The following WDR72 variants were observed in gnomAD, a reference collection of about 807,000 sequenced individuals.
The protein encoded by WDR72 is WD repeat-containing protein 72.
WDR72 carries 120 observed loss-of-function variants against 124.2 expected under a neutral mutation model. The ratio of observed to expected loss-of-function variants is 0.97; its 90% CI spans 0.83 to 1.12. The LOEUF is 1.12. Ranked by LOEUF, WDR72 falls within the 50% of genes most tolerant of loss-of-function variation. WDR72 has a pLI of 0.00. For missense variants in WDR72, 1,387 were observed against 1,278.8 expected (o/e 1.08, Z -1.29); for synonymous variants, 452 against 441.7 (o/e 1.02, Z -0.29).
intron 13 of WDR72, among the ~76,000 whole-genome samples, chr15:53,674,944 G>GA (rs377212209): frequency 1.3e-5 from 2 of 149,590 alleles, no homozygotes; most frequent in Non-Finnish European, 1.5e-5. Context: ...ACAATTGAAA[G>GA]AAAAAAAAAG....
At chr15:53,532,653 G>A (rs1267429717) in intron 18 of WDR72, among the ~76,000 whole-genome samples, 2 of 151,990 alleles carry the variant, frequency 1.3e-5, no homozygotes, top group Non-Finnish European at 2.9e-5. Flanking sequence ...GTGGGAAGCG[G>A]GGGATAAGAA....
intron 14 of WDR72, among the ~76,000 whole-genome samples, chr15:53,647,842 G>T (rs1013527274): frequency 6.6e-6 from 1 of 152,076 alleles, no homozygotes; most frequent in African/African-American, 2.4e-5. Context: ...GGACAGACAG[G>T]TGGAAACAAG....
At chr15:53,554,727 G>A (rs1396657344) in intron 18 of WDR72, among the ~76,000 whole-genome samples, 2 of 152,112 alleles carry the variant, frequency 1.3e-5, no homozygotes, top group African/African-American at 4.8e-5. Context: ...TACAGGGAGT[G>A]AGGAAAAATG....
intron 17 of WDR72, among the ~76,000 whole-genome samples, chr15:53,603,509 A>G (rs2013137112): frequency 1.3e-5 from 2 of 152,146 alleles, no homozygotes; most frequent in South Asian, 2.1e-4. Flanking sequence ...AGGGAAATCA[A>G]TAAAGGTCAT....
intron 18 of WDR72, among the ~76,000 whole-genome samples, chr15:53,548,571 G>A (rs139283884): frequency 6.6e-6 from 1 of 151,728 alleles, no homozygotes; most frequent in Non-Finnish European, 1.5e-5. Flanking sequence ...ATTGGGGTGA[G>A]GTTAAAAAGT....
At chr15:53,754,343 A>G (rs1175706072) in intron 1 of WDR72, among the ~76,000 whole-genome samples, 1 of 152,166 alleles carries the variant, frequency 6.6e-6, no homozygotes, top group Non-Finnish European at 1.5e-5. Flanking sequence ...ACTGCAATGC[A>G]GTTTATGACA....
chr15:53,529,164 A>ATATT (rs59003623), intron 18 of WDR72, among the ~76,000 whole-genome samples: 25 of 78,166 alleles, frequency 3.2e-4, no homozygotes, highest in African/African-American at 1.2e-3. Context: ...ATATATATAT[A>ATATT]TTTTTTTTTT....
At chr15:53,690,901 C>G (rs1004112526) in intron 13 of WDR72, among the ~76,000 whole-genome samples, 5 of 152,092 alleles carry the variant, frequency 3.3e-5, no homozygotes, top group African/African-American at 1.2e-4. Context: ...AGTGGTGGTA[C>G]CATTTTATAT....
At chr15:53,679,946 A>AC (rs1039540210) in intron 13 of WDR72, among the ~76,000 whole-genome samples, 6 of 148,570 alleles carry the variant, frequency 4.0e-5, no homozygotes, top group African/African-American at 1.5e-4. Flanking sequence ...ATCTGCAGCA[A>AC]AAAAAAAAAG....
chr15:53,740,512 G>C (rs1463339158), intron 1 of WDR72, among the ~76,000 whole-genome samples: 1 of 151,976 alleles, frequency 6.6e-6, no homozygotes, highest in Non-Finnish European at 1.5e-5. Context: ...GTTTCACCGT[G>C]GTCTCAATCT....
chr15:53,654,467 A>G (rs932519725), intron 14 of WDR72, among the ~76,000 whole-genome samples: 1 of 152,222 alleles, frequency 6.6e-6, no homozygotes, highest in African/African-American at 2.4e-5. Context: ...AAATATAATA[A>G]CTCAATGTTT....
chr15:53,710,919 T>C lies in WDR72; in HGVS notation c.892A>G (p.Arg298Gly). 6.2e-7 allele frequency: 1 copy of C among 1,613,922 alleles called. No individual in the cohort carries two copies. Among genetic ancestry groups the C allele is most frequent in the Non-Finnish European group, 8.5e-7 (1 of 1,179,916 alleles). ...LSKSIYPADG[R>G]VLKETIYPHL... is the part of the protein sequence containing the mutation. ...GGATAAATGGTCTCTTTAAGCACTCTTCCATCAGCAGGGTATATGCTTTTT... is the reference window on the plus strand; with the variant it reads ...GGATAAATGGTCTCTTTAAGCACTCCTCCATCAGCAGGGTATATGCTTTTT... Residue 298 changes from arginine to glycine, a missense_variant, in exon 9 of 20, where the codon AGA becomes GGA. Physicochemically the swap from Arg to Gly is moderately radical, Grantham distance 125 (BLOSUM62 -2). Transcript: ENST00000360509.
chr15:53,727,607 A>G (rs1362008907), intron 2 of WDR72, among the ~76,000 whole-genome samples: 2 of 152,176 alleles, frequency 1.3e-5, no homozygotes, highest in African/African-American at 4.8e-5. Flanking sequence ...CCCTGTCATC[A>G]CACTCAGGGG....
chr15:53,683,573 C>A (rs1450664954), intron 13 of WDR72, among the ~76,000 whole-genome samples: 1 of 152,034 alleles, frequency 6.6e-6, no homozygotes, highest in Non-Finnish European at 1.5e-5. Flanking sequence ...CTGTCTTTGG[C>A]TACTATAAAT....
At chr15:53,576,981 T>A (rs1566967433) in intron 18 of WDR72, among the ~76,000 whole-genome samples, 1 of 152,166 alleles carries the variant, frequency 6.6e-6, no homozygotes. Context: ...TTGTAAGGGA[T>A]CAGTTTGAAC....
chr15:53,709,457 G>T (rs1265769300), intron 9 of WDR72, among the ~76,000 whole-genome samples: 2 of 152,116 alleles, frequency 1.3e-5, no homozygotes, highest in African/African-American at 4.8e-5. Context: ...TTTTTTAATT[G>T]TTGTATTCTT....
At chr15:53,722,724 C>G in intron 3 of WDR72, 78 bp downstream of exon 3, 1 of 1,268,940 alleles carries the variant, frequency 7.9e-7, no homozygotes, top group Non-Finnish European at 1.2e-6. Context: ...TTCCTTCAGC[C>G]CTAAAATTGT....
At chr15:53,633,523 T>C (rs1381222512) in intron 14 of WDR72, among the ~76,000 whole-genome samples, 2 of 151,872 alleles carry the variant, frequency 1.3e-5, no homozygotes, top group Non-Finnish European at 2.9e-5. Flanking sequence ...CAATAAACAA[T>C]CCAAAAATAA....
At chr15:53,613,321 C>A (rs2013622069) in intron 16 of WDR72, among the ~76,000 whole-genome samples, 1 of 151,966 alleles carries the variant, frequency 6.6e-6, no homozygotes, top group African/African-American at 2.4e-5. Flanking sequence ...ATTTCCTTTG[C>A]TGAAAAGTTT....
Sources: allele counts gnomAD v4.1 joint callset (sites outside exome capture counted in the v4.1 genomes callset), GRCh38; gene constraint gnomAD v4.1.1; transcripts MANE v1.5; gene names NCBI Gene and HGNC (gene_info 2026-07-23, HGNC 2026-07-21).